Variants in GOLGA1 observed in about 807,000 individuals in gnomAD.
The protein encoded by GOLGA1 is golgin A1.
A neutral mutation model predicts 119.7 loss-of-function variants in GOLGA1; 63 were observed. The ratio of observed to expected loss-of-function variants is 0.53; its 90% confidence interval spans 0.43 to 0.65. GOLGA1 has a LOEUF of 0.65. GOLGA1 is among the 30% of genes least tolerant of loss of function. The pLI, the probability that GOLGA1 is intolerant of heterozygous loss-of-function variation, is 0.00. For missense variants in GOLGA1, 798 were observed against 912.8 expected, an observed-to-expected ratio of 0.87 and a Z score of 1.62; for synonymous variants, 318 against 333.4, an observed-to-expected ratio of 0.95 and a Z score of 0.50.
rs1433215002 is a variant in GOLGA1 at position 124,899,409 on chromosome 9, G to A, written c.1231C>T (p.Arg411Cys). 18 of 1,548,678 alleles carry A rather than the reference G, an allele frequency of 1.2e-5. No individual in the cohort carries two copies. The highest frequency in any genetic ancestry group is 2.4e-5 in the East Asian group (1 of 41,068). ...ALALEQQFLERTQALEAQIVA... is the reference protein window; with the variant it reads ...ALALEQQFLECTQALEAQIVA... ...ATCTGGGCTTCTAGCGCCTGGGTGC[G>A]CTCCAAGAACTGCTGCTCCAGAGCA... Residue 411 changes from arginine to cysteine, a missense_variant, in exon 14 of 23, where the codon CGC (arginine) becomes TGC (cysteine). By Grantham distance (180) the Arg-to-Cys change is radical. Coordinates refer to ENST00000373555, the MANE Select transcript of GOLGA1 (RefSeq NM_002077.4).
chr9:124,885,466 CA>C (rs1183693352), intron 19 of GOLGA1, among the ~76,000 whole-genome samples: 2 of 135,154 alleles, frequency 1.5e-5, no homozygotes, highest in Non-Finnish European at 3.1e-5. Flanking sequence ...GTCTGGGTGA[CA>C]GGGGGAGACT....
chr9:124,898,962 G>A lies in GOLGA1; in HGVS notation c.1312-318C>T, dbSNP rs534635515. ...TATAATTCCAGCACTTTGGGAGGCTGAGGTGGGCAGATCCCTTGAGCCTAG... is the reference window on the plus strand; with the variant it reads ...TATAATTCCAGCACTTTGGGAGGCTAAGGTGGGCAGATCCCTTGAGCCTAG... On this transcript the variant is annotated intron_variant, in intron 14 of 22. Transcript: ENST00000373555. Among the ~76,000 whole-genome samples, 247 of 152,240 alleles carry A rather than the reference G, an allele frequency of 1.6e-3. 2 individuals carry two copies. Among genetic ancestry groups the A allele is most frequent in the Non-Finnish European group, 2.1e-3 (143 of 67,994 alleles).
At chr9:124,943,822 C>G (rs752297234), upstream of GOLGA1, 2 of 152,174 alleles carry the variant, frequency 1.3e-5, no homozygotes, top group African/African-American at 2.4e-5. Context: ...CCAATGGAAA[C>G]TGCTCAGAGG....
At chr9:124,915,000 T>G (rs1482804778) in intron 10 of GOLGA1, among the ~76,000 whole-genome samples, 8 of 152,204 alleles carry the variant, frequency 5.3e-5, no homozygotes, top group Non-Finnish European at 1.2e-4. Context: ...CTTCAGGCCC[T>G]CTACACCTCA....
intron 6 of GOLGA1, 31 bp downstream of exon 6, chr9:124,928,157 C>A: frequency 1.1e-6 from 1 of 913,174 alleles, no homozygotes; most frequent in Non-Finnish European, 1.7e-6. Context: ...AATCTTTCCA[C>A]CAGTTCTGGG....
chr9:124,940,767 G>A (rs754057798), intron 1 of GOLGA1, among the ~76,000 whole-genome samples: 17 of 152,172 alleles, frequency 1.1e-4, no homozygotes, highest in Non-Finnish European at 2.1e-4. Flanking sequence ...CCAAGGTCGC[G>A]CAGGGAGGAA....
chr9:124,904,943 C>A (rs1406066055), intron 12 of GOLGA1, among the ~76,000 whole-genome samples: 101 of 131,234 alleles, frequency 7.7e-4, no homozygotes, highest in South Asian at 1.2e-3. Context: ...GACTCTGTCT[C>A]AAAAAAAAAA....
At chr9:124,938,183 C>T (rs2131543364) in intron 3 of GOLGA1, among the ~76,000 whole-genome samples, 1 of 152,256 alleles carries the variant, frequency 6.6e-6, no homozygotes, top group Admixed American at 6.5e-5. Context: ...TGCACTCTTG[C>T]TAACCCCATA....
chr9:124,885,336 T>G, intron 19 of GOLGA1, among the ~76,000 whole-genome samples: 1 of 114,138 alleles, frequency 8.8e-6, no homozygotes, highest in Non-Finnish European at 1.9e-5. Flanking sequence ...AAAAAAAAAA[T>G]TAGCCAGGCG....
chr9:124,943,211 A>G (rs1036863632), upstream of GOLGA1: 2 of 152,264 alleles, frequency 1.3e-5, no homozygotes, highest in African/African-American at 4.8e-5. Context: ...TAGTGACAGT[A>G]TAATTTTCCC....
chr9:124,885,407 C>A (rs1342775082), intron 19 of GOLGA1, among the ~76,000 whole-genome samples: 1 of 150,596 alleles, frequency 6.6e-6, no homozygotes, highest in Non-Finnish European at 1.5e-5. Flanking sequence ...ATCGCTTGCA[C>A]CGAGGAGGCA....
chr9:124,922,031 C>T, intron 8 of GOLGA1, 139 bp from the exon 9 acceptor site: 1 of 710,516 alleles, frequency 1.4e-6, no homozygotes, highest in South Asian at 1.6e-5. Flanking sequence ...AGTTTGAGAC[C>T]AGCCTTGCTG....
chr9:124,885,827 T>G (rs962518031), intron 19 of GOLGA1, among the ~76,000 whole-genome samples: 1 of 151,684 alleles, frequency 6.6e-6, no homozygotes, highest in Non-Finnish European at 1.5e-5. Flanking sequence ...TCATAAGAGA[T>G]CAACAGAGAC....
rs890795523 is a variant in GOLGA1, at chr9:124,928,419, C to T, written c.302-134G>A. On this transcript the variant is annotated intron_variant, in intron 5 of 22. Transcript: ENST00000373555. Reference sequence around the variant, plus strand: ...AAGTGGATTGTGATACTAGGAAAAGCTGGATCCACCTCAACTTTCCAGAAG... The same window carrying T: ...AAGTGGATTGTGATACTAGGAAAAGTTGGATCCACCTCAACTTTCCAGAAG... 5.9e-6 allele frequency: 3 copies of T among 504,780 alleles called. No homozygotes were observed. In the East Asian group the frequency reaches 1.0e-4, roughly 17 times the overall value. 31.3% of individuals were successfully genotyped at this position (504,780 alleles called of 1,614,324 possible).
rs750312237 is a variant in GOLGA1, at chr9:124,880,500, C to A, written c.*30G>T. On this transcript the variant is annotated 3_prime_UTR_variant, in exon 23 of 23. Transcript: ENST00000373555. The stretch of plus-strand genomic sequence containing the variant: ...TTCTTTTCACAGAAAAAGTGTCAAC[C>A]CACGGAGCTCCATCCTTGGGTAGTC... 7 of 1,277,598 alleles carry A rather than the reference C, an allele frequency of 5.5e-6. No individual in the cohort carries two copies. In the East Asian group the frequency reaches 1.4e-4, roughly 25 times the overall value. The allele number at this position is 1,277,598 out of a possible 1,614,324, so 79.1% of individuals were successfully genotyped here. A position where few individuals can be genotyped will look rare whatever the true frequency, so the allele number is the denominator to read the frequency against.
At chr9:124,924,283 G>T (rs922879804) in intron 7 of GOLGA1, among the ~76,000 whole-genome samples, 1 of 151,782 alleles carries the variant, frequency 6.6e-6, no homozygotes, top group Non-Finnish European at 1.5e-5. Context: ...CAGTTAACAA[G>T]CTAAAAAAAA....
At chr9:124,916,877 C>CAAAAAAAAAA (rs71494043) in intron 10 of GOLGA1, among the ~76,000 whole-genome samples, 8 of 41,176 alleles carry the variant, frequency 1.9e-4, no homozygotes, top group African/African-American at 4.3e-4. Flanking sequence ...CCCTGACACA[C>CAAAAAAAAAA]AAAAAAAAAA....
At chr9:124,945,092 C>T (rs1029436885), upstream of GOLGA1, 1 of 151,988 alleles carries the variant, frequency 6.6e-6, no homozygotes, top group African/African-American at 2.4e-5. Context: ...GAATTGTCCA[C>T]CAAAATAGGA....
intron 10 of GOLGA1, among the ~76,000 whole-genome samples, chr9:124,919,665 G>A (rs373735023): frequency 1.3e-5 from 2 of 152,118 alleles, no homozygotes; most frequent in East Asian, 3.9e-4. Flanking sequence ...TTACTGTACT[G>A]TAATTATGTT....
Sources: gnomAD v4.1 joint callset for allele counts (sites outside exome capture counted in the v4.1 genomes callset) on GRCh38, gnomAD v4.1.1 for gene constraint, MANE v1.5 for transcripts, NCBI Gene and HGNC (gene_info 2026-07-23, HGNC 2026-07-21) for gene names.